The following MYRIP variants were observed in gnomAD, a reference collection of about 807,000 sequenced individuals.
MYRIP encodes the protein rab effector MyRIP.
Under a neutral mutation model 98.0 loss-of-function variants are expected in MYRIP, and 49 were observed. That is an observed-to-expected ratio of 0.50 (90% CI 0.40 to 0.63). MYRIP has a LOEUF of 0.63. Ranked by LOEUF, MYRIP falls within the 30% of genes least tolerant of loss-of-function variation. The pLI is 0.00. For missense variants in MYRIP, 1,004 were observed against 1,058.2 expected (o/e 0.95, Z 0.71); for synonymous variants, 404 against 409.5 (o/e 0.99, Z 0.16).
intron 16 of MYRIP, among the ~76,000 whole-genome samples, chr3:40,255,619 C>A (rs1250022788): frequency 6.6e-6 from 1 of 151,968 alleles, no homozygotes; most frequent in Non-Finnish European, 1.5e-5. Context: ...TGAGAGAAAA[C>A]AAGGAGGAAA....
At chr3:40,061,888 G>A (rs1454489784) in intron 3 of MYRIP, among the ~76,000 whole-genome samples, 1 of 152,172 alleles carries the variant, frequency 6.6e-6, no homozygotes. Context: ...TTGACCACAT[G>A]TATGTCTTCT....
At chr3:39,900,464 G>T (rs1482175923) in intron 1 of MYRIP, among the ~76,000 whole-genome samples, 1 of 151,840 alleles carries the variant, frequency 6.6e-6, no homozygotes, top group East Asian at 1.9e-4. Flanking sequence ...CAAAAGTTTA[G>T]AACTTTTAGA....
At chr3:40,170,139 T>C (rs370981544) in intron 8 of MYRIP, 46 bp downstream of exon 8, 1 of 1,604,914 alleles carries the variant, frequency 6.2e-7, no homozygotes, top group Non-Finnish European at 8.5e-7. Flanking sequence ...CGTGCAGGTC[T>C]GGGGCACACA....
At chr3:40,132,405 C>G (rs1012630054) in intron 3 of MYRIP, among the ~76,000 whole-genome samples, 2 of 125,488 alleles carry the variant, frequency 1.6e-5, no homozygotes, top group African/African-American at 2.8e-5. Flanking sequence ...AAAAGACACT[C>G]TGCTTTTGCC....
At chr3:40,148,381 C>T (rs964360167) in intron 3 of MYRIP, among the ~76,000 whole-genome samples, 2 of 152,012 alleles carry the variant, frequency 1.3e-5, no homozygotes, top group African/African-American at 4.8e-5. Flanking sequence ...ATTTTTTCCC[C>T]TCTTTCATTT....
intron 3 of MYRIP, among the ~76,000 whole-genome samples, chr3:40,089,351 T>A (rs1018341821): frequency 2.6e-5 from 4 of 152,320 alleles, no homozygotes; most frequent in African/African-American, 9.6e-5. Context: ...CTTTCAACTA[T>A]CCATGAGGTG....
intron 4 of MYRIP, among the ~76,000 whole-genome samples, chr3:40,153,697 G>C (rs1462733832): frequency 6.6e-6 from 1 of 152,158 alleles, no homozygotes; most frequent in Non-Finnish European, 1.5e-5. Context: ...TCTATCTAAT[G>C]GTACTTATTT....
chr3:40,123,980 TG>T (rs1949464287), intron 3 of MYRIP, among the ~76,000 whole-genome samples: 1 of 152,196 alleles, frequency 6.6e-6, no homozygotes. Flanking sequence ...CCTGGAGAAC[TG>T]CCTTGTGCCC....
At chr3:40,201,128 A>C (rs1951549920) in intron 10 of MYRIP, among the ~76,000 whole-genome samples, 1 of 152,210 alleles carries the variant, frequency 6.6e-6, no homozygotes, top group Non-Finnish European at 1.5e-5. Context: ...GTCTGATTGC[A>C]AAAATTCAAA....
chr3:39,974,245 A>G (rs1200807184), intron 2 of MYRIP, among the ~76,000 whole-genome samples: 1 of 152,176 alleles, frequency 6.6e-6, no homozygotes, highest in African/African-American at 2.4e-5. Context: ...TAGAAATACA[A>G]ACTACCATCA....
intron 2 of MYRIP, among the ~76,000 whole-genome samples, chr3:39,950,827 A>G (rs1197571267): frequency 6.6e-6 from 1 of 152,208 alleles, no homozygotes; most frequent in Non-Finnish European, 1.5e-5. Context: ...CTTTTTAAAT[A>G]GTTGTTGATT....
intron 3 of MYRIP, among the ~76,000 whole-genome samples, chr3:40,098,441 A>C (rs1948872083): frequency 6.6e-6 from 1 of 152,126 alleles, no homozygotes; most frequent in South Asian, 2.1e-4. Context: ...GCAGTGGGCA[A>C]AAAAAGACTG....
At chr3:40,238,523 CTGAACAT>C (rs1246744247) in intron 12 of MYRIP, 13 of 152,312 alleles carry the variant, frequency 8.5e-5, no homozygotes, top group African/African-American at 1.9e-4. Context: ...TTCTCGCCTT[CTGAACAT>C]TGGTTACCAC....
At chr3:40,219,042 T>G (rs1434025319) in intron 11 of MYRIP, among the ~76,000 whole-genome samples, 1 of 152,112 alleles carries the variant, frequency 6.6e-6, no homozygotes, top group Admixed American at 6.6e-5. Flanking sequence ...GACATGACAA[T>G]GGTACATTTA....
At chr3:40,136,262 C>T (rs1282649986) in intron 3 of MYRIP, among the ~76,000 whole-genome samples, 3 of 152,010 alleles carry the variant, frequency 2.0e-5, no homozygotes, top group Non-Finnish European at 4.4e-5. Flanking sequence ...GACTTTAAAC[C>T]GACAAAGATC....
rs150224261 is a variant in MYRIP at position 40,021,962 on chromosome 3, C to T, written c.111-22088C>T. The stretch of plus-strand genomic sequence containing the variant: ...AGGTAGATTAAAAGCAGACACAAAG[C>T]GGAAAGTTTTGCCTTATGCAAGATC... On this transcript the variant is annotated intron_variant, in intron 2 of 16. Coordinates refer to ENST00000302541, the MANE Select transcript of MYRIP (RefSeq NM_015460.4). 1.4e-3 allele frequency among the ~76,000 whole-genome samples: 208 copies of T among 152,264 alleles called. 1 individual carries two copies. The highest frequency in any genetic ancestry group is 4.5e-3 in the African/African-American group (189 of 41,550).
chr3:40,189,934 C>G lies in MYRIP; in HGVS notation c.1136C>G (p.Ala379Gly), dbSNP rs776720800. Reference sequence around the variant, plus strand: ...AAACCTAAGAGCGGGACGTTTCAGGCCCTGGAGGTGGCCTCCAGTGTGGCA... The same window carrying G: ...AAACCTAAGAGCGGGACGTTTCAGGGCCTGGAGGTGGCCTCCAGTGTGGCA... The part of the protein sequence containing the change: ...LAKPKSGTFQ[A>G]LEVASSVASA... Residue 379 changes from alanine (A) to glycine (G), a missense_variant, in exon 10 of 17, where the codon GCC (alanine) becomes GGC (glycine). This residue lies in a region of MYRIP where 880 missense variants were observed against 907.7 expected (regional missense o/e 0.97). Coordinates refer to ENST00000302541, the MANE Select transcript of MYRIP (RefSeq NM_015460.4). 2.4e-5 allele frequency: 39 copies of G among 1,614,080 alleles called. No homozygotes were observed. Among genetic ancestry groups the G allele is most frequent in the Non-Finnish European group, 3.1e-5 (37 of 1,180,044 alleles).
At chr3:39,834,563 T>C (rs1177095175) in intron 1 of MYRIP, among the ~76,000 whole-genome samples, 4 of 152,218 alleles carry the variant, frequency 2.6e-5, no homozygotes, top group African/African-American at 9.6e-5. Context: ...TTGTAGTTCA[T>C]AGCAGTTGCC....
At chr3:40,104,710 T>G (rs1185405339) in intron 3 of MYRIP, among the ~76,000 whole-genome samples, 2 of 152,216 alleles carry the variant, frequency 1.3e-5, no homozygotes, top group Non-Finnish European at 2.9e-5. Context: ...ATTTTTAATC[T>G]AAACATACAT....
Sources: gnomAD v4.1 joint callset for allele counts (sites outside exome capture counted in the v4.1 genomes callset) on GRCh38, gnomAD v4.1.1 for gene constraint, gnomAD v4.1.1 regional missense constraint, MANE v1.5 for transcripts, NCBI Gene and HGNC (gene_info 2026-07-23, HGNC 2026-07-21) for gene names.